GHR: variants seen among roughly 807,000 people sequenced by gnomAD.
GHR encodes the protein GH receptor.
In GHR, 35 loss-of-function variants were observed where a neutral mutation model predicts 67.1. That is an observed-to-expected ratio of 0.52 (90% CI 0.40 to 0.69). The LOEUF (loss-of-function observed/expected upper bound fraction) is 0.69, where lower values mean the gene tolerates loss of function less well. Among genes scored for constraint, GHR ranks in the 30% least tolerant of loss-of-function variants. The pLI, the probability that GHR is intolerant of heterozygous loss-of-function variation, is 0.00. For missense variants in GHR, 792 were observed against 764.6 expected, an observed-to-expected ratio of 1.04 and a Z score of -0.42; for synonymous variants, 272 against 269.1, an observed-to-expected ratio of 1.01 and a Z score of -0.10.
Position 42,720,814 on chromosome 5 carries a change from C to G in GHR, c.*1390C>G, listed in dbSNP as rs964914809. 2 of 152,140 alleles carry G rather than the reference C, an allele frequency of 1.3e-5. No homozygotes were observed. Among genetic ancestry groups the G allele is most frequent in the African/African-American group, 4.8e-5 (2 of 41,432 alleles). 9.4% of individuals were successfully genotyped at this position (152,140 alleles called of 1,614,324 possible). ...AAGAAGTTTCATCATTTTTTACTTC[C>G]TCTCTGAGTGGACTGGCCTCAAAGC... is the stretch of plus-strand genomic sequence containing the variant. On this transcript the variant is annotated 3_prime_UTR_variant, in exon 10 of 10. Coordinates refer to ENST00000230882, the MANE Select transcript of GHR (RefSeq NM_000163.5).
rs1752043019 is a variant in GHR, at chr5:42,595,900, TC to T, written c.70+29957del. On this transcript the variant is annotated intron_variant, in intron 2 of 9. Transcript: ENST00000230882. ...GGCACTGCACCTCATTGCCTTAATA[TC>T]TTTTCATTTGATTGAAGAGGCAGCT... Among the ~76,000 whole-genome samples, 4 of 152,310 alleles carry T rather than the reference TC, an allele frequency of 2.6e-5. No homozygotes were observed. The South Asian group carries it at 8.3e-4, about 32-fold the overall frequency.
chr5:42,563,440 C>A (rs1173618017), intron 1 of GHR, among the ~76,000 whole-genome samples: 3 of 151,830 alleles, frequency 2.0e-5, no homozygotes, highest in African/African-American at 4.8e-5. Context: ...CATGGTGAAA[C>A]CCCGTCTCTA....
intron 2 of GHR, among the ~76,000 whole-genome samples, chr5:42,583,177 G>T (rs1015999854): frequency 5.3e-5 from 8 of 152,186 alleles, no homozygotes; most frequent in Non-Finnish European, 1.2e-4. Context: ...TCTGTGTTAG[G>T]TGTGCTTGTT....
chr5:42,533,563 T>TAA (rs1748074260), intron 1 of GHR, among the ~76,000 whole-genome samples: 1 of 152,006 alleles, frequency 6.6e-6, no homozygotes, highest in Non-Finnish European at 1.5e-5. Flanking sequence ...TTAATCTACT[T>TAA]ACAATAGTTT....
At position 42,465,408 on chromosome 5, in the gene GHR, C is replaced by T; in HGVS notation, c.-12+41453C>T. 5.5e-6 allele frequency: 8 copies of T among 1,462,174 alleles called. No homozygotes were observed. In the East Asian group the frequency reaches 1.1e-4, roughly 21 times the overall value. 90.6% of individuals were successfully genotyped at this position (1,462,174 alleles called of 1,614,324 possible). A position where few individuals can be genotyped will look rare whatever the true frequency, so the allele number is the denominator to read the frequency against. On this transcript the variant is annotated intron_variant, in intron 1 of 9. Coordinates refer to ENST00000230882, the MANE Select transcript of GHR (RefSeq NM_000163.5). ...GGGATTGAAGAGGTTTCTACTTTTG[C>T]CCAGTCCTTATTTTGAATAGCCTTC...
chr5:42,591,534 C>T (rs950550533), intron 2 of GHR, among the ~76,000 whole-genome samples: 4 of 152,186 alleles, frequency 2.6e-5, no homozygotes, highest in Non-Finnish European at 5.9e-5. Context: ...AATCTATCAA[C>T]GACTGTTCCA....
intron 1 of GHR, among the ~76,000 whole-genome samples, chr5:42,530,685 C>G (rs1747926045): frequency 6.6e-6 from 1 of 152,112 alleles, no homozygotes; most frequent in South Asian, 2.1e-4. Flanking sequence ...CATTGAACCT[C>G]TTATTAACAT....
At chr5:42,681,565 C>G (rs1383375263) in intron 3 of GHR, among the ~76,000 whole-genome samples, 1 of 152,186 alleles carries the variant, frequency 6.6e-6, no homozygotes, top group Non-Finnish European at 1.5e-5. Context: ...CCTCAAGGAT[C>G]TAGAACTAGA....
chr5:42,469,319 G>A (rs1744892743), intron 1 of GHR, among the ~76,000 whole-genome samples: 1 of 152,178 alleles, frequency 6.6e-6, no homozygotes, highest in Non-Finnish European at 1.5e-5. Context: ...GAAGTGTAGT[G>A]GTGGGGTGGA....
At chr5:42,477,568 C>T (rs899518145) in intron 1 of GHR, among the ~76,000 whole-genome samples, 6 of 152,242 alleles carry the variant, frequency 3.9e-5, no homozygotes, top group African/African-American at 7.2e-5. Context: ...TTTTAATGAT[C>T]GCCATTCCAA....
intron 1 of GHR, among the ~76,000 whole-genome samples, chr5:42,562,303 T>A (rs1284264923): frequency 6.6e-6 from 1 of 152,078 alleles, no homozygotes; most frequent in Non-Finnish European, 1.5e-5. Flanking sequence ...TGGGGCTACT[T>A]TTGGAATCAT....
intron 7 of GHR, 113 bp downstream of exon 7, chr5:42,711,485 A>T: frequency 1.3e-6 from 1 of 774,344 alleles, no homozygotes; most frequent in Non-Finnish European, 2.3e-6. Context: ...TTAACATCAG[A>T]TATCAGGATG....
intron 7 of GHR, 151 bp downstream of exon 7, chr5:42,711,523 A>G: frequency 1.5e-6 from 1 of 686,750 alleles, no homozygotes. Flanking sequence ...TATCTGTAAC[A>G]GATATTGTTC....
intron 1 of GHR, among the ~76,000 whole-genome samples, chr5:42,477,118 T>C (rs1262442114): frequency 6.8e-6 from 1 of 147,304 alleles, no homozygotes; most frequent in Non-Finnish European, 1.5e-5. Context: ...CACCTATGAG[T>C]GAGAACATGC....
chr5:42,486,413 A>G (rs756264596), intron 1 of GHR, among the ~76,000 whole-genome samples: 14 of 152,080 alleles, frequency 9.2e-5, no homozygotes, highest in Non-Finnish European at 2.1e-4. Flanking sequence ...TTCCTTTCTC[A>G]GTTGTACTAT....
At chr5:42,662,667 T>C (rs544407165) in intron 3 of GHR, among the ~76,000 whole-genome samples, 3 of 151,942 alleles carry the variant, frequency 2.0e-5, no homozygotes, top group Non-Finnish European at 4.4e-5. Context: ...AGATCCAAAA[T>C]TGACACCCTA....
rs79016600 is a variant in GHR at position 42,605,811 on chromosome 5, G to A, written c.71-23227G>A. Among the ~76,000 whole-genome samples, 993 of 152,262 alleles carry A rather than the reference G, an allele frequency of 6.5e-3. 14 individuals carry two copies. Among genetic ancestry groups the A allele is most frequent in the African/African-American group, 0.023 (951 of 41,540 alleles). ...TGCCCTCATGCCTGTTCAGACTCCCGGAGTTCTACTAATTGCCTGCTCCAT... is the reference window on the plus strand; with the variant it reads ...TGCCCTCATGCCTGTTCAGACTCCCAGAGTTCTACTAATTGCCTGCTCCAT... On this transcript the variant is annotated intron_variant, in intron 2 of 9. Coordinates refer to ENST00000230882, the MANE Select transcript of GHR (RefSeq NM_000163.5).
intron 1 of GHR, among the ~76,000 whole-genome samples, chr5:42,540,903 AT>A (rs1477948530): frequency 6.7e-6 from 1 of 150,178 alleles, no homozygotes; most frequent in Non-Finnish European, 1.5e-5. Flanking sequence ...GATCTAGCAC[AT>A]TTTAATTATC....
intron 3 of GHR, among the ~76,000 whole-genome samples, chr5:42,678,778 G>A (rs1756690388): frequency 6.6e-6 from 1 of 151,806 alleles, no homozygotes; most frequent in African/African-American, 2.4e-5. Context: ...GTAGTGACCT[G>A]TATTAGTAAA....
Sources: allele counts gnomAD v4.1 joint callset (sites outside exome capture counted in the v4.1 genomes callset), GRCh38; gene constraint gnomAD v4.1.1; transcripts MANE v1.5; gene names NCBI Gene and HGNC (gene_info 2026-07-23, HGNC 2026-07-21).